FYN: variants seen among roughly 807,000 people sequenced by gnomAD.
FYN encodes FYN proto-oncogene, Src family tyrosine kinase, also known as tyrosine-protein kinase Fyn.
A neutral mutation model predicts 70.2 loss-of-function variants in FYN; 10 were observed. The ratio of observed to expected loss-of-function variants is 0.14; its 90% confidence interval spans 0.09 to 0.24. The LOEUF (loss-of-function observed/expected upper bound fraction) is 0.24. FYN is among the 10% of genes least tolerant of loss of function. The pLI is 1.00. For missense variants in FYN, 319 were observed against 673.1 expected, an observed-to-expected ratio of 0.47 and a Z score of 5.82; for synonymous variants, 236 against 248.6, an observed-to-expected ratio of 0.95 and a Z score of 0.48.
chr6:111,805,084 A>G (rs1772105924), intron 2 of FYN, among the ~76,000 whole-genome samples: 2 of 151,946 alleles, frequency 1.3e-5, no homozygotes, highest in African/African-American at 4.8e-5. Context: ...ACCCCGAGAT[A>G]AACACCACAT....
Position 111,696,196 on chromosome 6 carries a change from C to T in FYN, c.1042+81G>A, listed in dbSNP as rs1799566972. ...ACCCAGGCAGAAACTAGAAAAGTAG[C>T]AAGTAGGAAACTTCCATTTCTCTCC... is the stretch of plus-strand genomic sequence containing the variant. On this transcript the variant is annotated intron_variant, in intron 10 of 13. Coordinates refer to ENST00000354650, the MANE Select transcript of FYN (RefSeq NM_002037.5). 4.1e-6 allele frequency: 5 copies of T among 1,206,106 alleles called. No homozygotes were observed. The African/African-American group carries it at 6.2e-5, about 15-fold the overall frequency. The allele number at this position is 1,206,106 out of a possible 1,614,324, so 74.7% of individuals were successfully genotyped here.
chr6:111,829,298 C>T (rs1465388382), intron 2 of FYN, among the ~76,000 whole-genome samples: 1 of 152,116 alleles, frequency 6.6e-6, no homozygotes, highest in Non-Finnish European at 1.5e-5. Flanking sequence ...TAGTACTCTC[C>T]CCGGGCCTCT....
intron 3 of FYN, among the ~76,000 whole-genome samples, chr6:111,778,707 G>C (rs1381644648): frequency 6.6e-6 from 1 of 151,772 alleles, no homozygotes; most frequent in Non-Finnish European, 1.5e-5. Flanking sequence ...TGTTGGCCAG[G>C]ATGGTCTCGA....
At chr6:111,793,512 G>A (rs942885102) in intron 2 of FYN, 2 of 152,096 alleles carry the variant, frequency 1.3e-5, no homozygotes, top group African/African-American at 2.4e-5. Context: ...CCATAAGATC[G>A]GCTCATTCCT....
At chr6:111,788,715 T>TA (rs1771495650) in intron 2 of FYN, among the ~76,000 whole-genome samples, 1 of 152,172 alleles carries the variant, frequency 6.6e-6, no homozygotes, top group Non-Finnish European at 1.5e-5. Context: ...TCTGAAAAAT[T>TA]AGAGTTCCAA....
chr6:111,745,184 T>C (rs994349448), intron 3 of FYN, among the ~76,000 whole-genome samples: 1 of 152,142 alleles, frequency 6.6e-6, no homozygotes, highest in Admixed American at 6.5e-5. Context: ...CATGGGCAAA[T>C]ACTATGTATC....
rs114711826 is a variant in FYN at position 111,693,032 on chromosome 6, T to C, written c.1273+1343A>G. On this transcript the variant is annotated intron_variant, in intron 12 of 13. Coordinates refer to ENST00000354650, the MANE Select transcript of FYN (RefSeq NM_002037.5). ...GCTCCAGGACAAGAACTGCCACGTG[T>C]TGGGGAAATTCAAATAGCTGAGCTG... 1.8e-3 allele frequency among the ~76,000 whole-genome samples: 277 copies of C among 152,298 alleles called. 2 individuals are homozygous for C. Among genetic ancestry groups the C allele is most frequent in the African/African-American group, 6.4e-3 (268 of 41,554 alleles).
intron 3 of FYN, among the ~76,000 whole-genome samples, chr6:111,734,130 G>C (rs563280370): frequency 6.6e-6 from 1 of 152,108 alleles, no homozygotes; most frequent in East Asian, 1.9e-4. Context: ...AAAAATGTGA[G>C]CTTCAACAAG....
chr6:111,670,128 CCCTCACTTCCCA>C (rs1798199053), intron 13 of FYN, among the ~76,000 whole-genome samples: 1 of 152,128 alleles, frequency 6.6e-6, no homozygotes, highest in Non-Finnish European at 1.5e-5. Flanking sequence ...TGCTCAAATC[CCCTCACTTCCCA>C]CCTCACTAAG....
chr6:111,813,213 T>C (rs1327066610), intron 2 of FYN, among the ~76,000 whole-genome samples: 1 of 152,226 alleles, frequency 6.6e-6, no homozygotes, highest in Non-Finnish European at 1.5e-5. Flanking sequence ...TTTGCGATTA[T>C]CTGTAGTTTG....
rs1350493383 is a variant in FYN at position 111,678,643 on chromosome 6, A to G, written c.1274-4013T>C. On this transcript the variant is annotated intron_variant, in intron 12 of 13. Transcript: ENST00000354650. ...TCCCTCTCAATTGTCTCTCCATGAA[A>G]TTGGTTATACAAGTCAGTGCCCCTC... 2.6e-5 allele frequency among the ~76,000 whole-genome samples: 4 copies of G among 152,146 alleles called. No individual in the cohort carries two copies. The South Asian group carries it at 8.3e-4, about 32-fold the overall frequency.
At chr6:111,866,069 G>C (rs945159867) in intron 1 of FYN, among the ~76,000 whole-genome samples, 3 of 152,052 alleles carry the variant, frequency 2.0e-5, no homozygotes, top group Non-Finnish European at 2.9e-5. Context: ...CTTCCCTAAA[G>C]CATGTATGTC....
At chr6:111,682,226 T>C (rs1041236513) in intron 12 of FYN, among the ~76,000 whole-genome samples, 6 of 152,184 alleles carry the variant, frequency 3.9e-5, no homozygotes, top group African/African-American at 1.2e-4. Flanking sequence ...AGTGGTGTAA[T>C]AAACTAATAA....
chr6:111,863,146 T>C (rs900438749), intron 1 of FYN, among the ~76,000 whole-genome samples: 2 of 152,130 alleles, frequency 1.3e-5, no homozygotes, highest in Admixed American at 1.3e-4. Flanking sequence ...ACATCCACAG[T>C]GACATGGATC....
chr6:111,777,318 T>C (rs992860527), intron 3 of FYN, among the ~76,000 whole-genome samples: 1 of 152,242 alleles, frequency 6.6e-6, no homozygotes. Context: ...TTAAGTTTTT[T>C]AGCTGTATAT....
intron 9 of FYN, among the ~76,000 whole-genome samples, chr6:111,699,355 C>G (rs1487032875): frequency 6.6e-6 from 1 of 152,178 alleles, no homozygotes; most frequent in African/African-American, 2.4e-5. Context: ...ATGAGCACAG[C>G]AAGGTATCAG....
chr6:111,709,241 G>C (rs1393683158), intron 5 of FYN, among the ~76,000 whole-genome samples: 1 of 151,760 alleles, frequency 6.6e-6, no homozygotes, highest in Non-Finnish European at 1.5e-5. Context: ...TTTCAGCCAG[G>C]GGAAAAAAAA....
intron 4 of FYN, among the ~76,000 whole-genome samples, chr6:111,716,752 T>C (rs576682478): frequency 5.3e-5 from 8 of 151,800 alleles, no homozygotes; most frequent in African/African-American, 1.9e-4. Context: ...AAAAAAGAGA[T>C]ATAGAGATAT....
chr6:111,664,279 A>G (rs1299992737), intron 13 of FYN, among the ~76,000 whole-genome samples: 1 of 132,064 alleles, frequency 7.6e-6, no homozygotes, highest in African/African-American at 4.5e-5. Flanking sequence ...AACAGGCAGA[A>G]GGGCCTGACA....
Sources: gnomAD v4.1 joint callset for allele counts (sites outside exome capture counted in the v4.1 genomes callset) on GRCh38, gnomAD v4.1.1 for gene constraint, MANE v1.5 for transcripts, NCBI Gene and HGNC (gene_info 2026-07-23, HGNC 2026-07-21) for gene names.